Variants in ENOPH1 observed in about 807,000 individuals in gnomAD.
The protein encoded by ENOPH1 is enolase-phosphatase E1.
ENOPH1 carries 14 observed loss-of-function variants against 31.1 expected under a neutral mutation model. The observed-to-expected ratio is 0.45, with a 90% confidence interval of 0.30 to 0.70. The LOEUF is 0.70. Ranked by LOEUF, ENOPH1 falls within the 30% of genes least tolerant of loss-of-function variation. The pLI, the probability that ENOPH1 is intolerant of heterozygous loss-of-function variation, is 0.09. For missense variants in ENOPH1, 243 were observed against 321.5 expected (o/e 0.76, Z 1.87); for synonymous variants, 127 against 123.2 (o/e 1.03, Z -0.21).
chr4:82,447,110 C>A (rs980169825), intron 1 of ENOPH1, among the ~76,000 whole-genome samples: 1 of 152,122 alleles, frequency 6.6e-6, no homozygotes, highest in East Asian at 1.9e-4. Context: ...CTCAGCCTCC[C>A]GAGTACCTGA....
chr4:82,457,223 C>T (rs928977093), intron 5 of ENOPH1, among the ~76,000 whole-genome samples, 185 bp downstream of exon 5: 3 of 151,758 alleles, frequency 2.0e-5, no homozygotes, highest in African/African-American at 7.3e-5. Flanking sequence ...AAAAACACAG[C>T]AGTGAAGGCA....
intron 1 of ENOPH1, among the ~76,000 whole-genome samples, chr4:82,445,543 C>T (rs1722154589): frequency 6.6e-6 from 1 of 152,168 alleles, no homozygotes; most frequent in African/African-American, 2.4e-5. Context: ...GCAGCCTCAG[C>T]CTCCTGGGGT....
chr4:82,436,686 C>CAAA lies in ENOPH1; in HGVS notation c.84+5789_84+5791dup, dbSNP rs35557585. On this transcript the variant is annotated intron_variant, in intron 1 of 5. Coordinates refer to ENST00000273920, the MANE Select transcript of ENOPH1 (RefSeq NM_021204.5). ...TGGATGACAAAGCAAGACCCTGTCT[C>CAAA]AAAAAAAAAAAAAAAAAATGGTGGA... 9.2e-3 allele frequency among the ~76,000 whole-genome samples: 1,017 copies of CAAA among 110,808 alleles called. 12 individuals are homozygous for CAAA. The highest frequency in any genetic ancestry group is 0.031 in the African/African-American group (965 of 31,092). 72.7% of individuals were successfully genotyped at this position (110,808 alleles called of 152,430 possible).
In ENOPH1 at chr4:82,448,033, T is replaced by A. The variant is rs940097909; in HGVS notation, c.186+12T>A. On this transcript the variant is annotated intron_variant, in intron 2 of 5. Transcript: ENST00000273920. ...TTTTGAGGAAACAGGTTGGGACATT[T>A]CTGTCTTAAATTCCCAAGTGTCTTA... 2 of 1,576,418 alleles carry A rather than the reference T, an allele frequency of 1.3e-6. No individual in the cohort carries two copies. The highest frequency in any genetic ancestry group is 1.7e-6 in the Non-Finnish European group (2 of 1,148,200).
In ENOPH1 at chr4:82,454,822, T is replaced by C. The variant is rs1203685877; in HGVS notation, c.490T>C (p.Phe164Leu). 1 of 1,613,726 alleles carries C rather than the reference T, an allele frequency of 6.2e-7. No individual in the cohort carries two copies. Among genetic ancestry groups the C allele is most frequent in the Non-Finnish European group, 8.5e-7 (1 of 1,179,954 alleles). ...GAGTGTGGAGGCACAGAAACTGTTA[T>C]TCGGGCATTCTACGGAGGGAGATAT... ...SGSVEAQKLL[F>L]GHSTEGDILE... is the part of the protein sequence containing the mutation. Residue 164 changes from phenylalanine (F) to leucine (L), a missense_variant, in exon 4 of 6, where the codon TTC becomes CTC. Coordinates refer to ENST00000273920, the MANE Select transcript of ENOPH1 (RefSeq NM_021204.5).
intron 1 of ENOPH1, among the ~76,000 whole-genome samples, chr4:82,434,346 C>T (rs1012137705): frequency 5.3e-5 from 8 of 151,916 alleles, no homozygotes; most frequent in South Asian, 2.1e-4. Context: ...CACTTTGGGA[C>T]GCCGAAGCAG....
chr4:82,457,011 A>G lies in ENOPH1; in HGVS notation c.619A>G (p.Ile207Val). Residue 207 changes from isoleucine to valine, a missense_variant, in exon 5 of 6, where the codon ATT (isoleucine) becomes GTT (valine). By Grantham distance (29) the Ile-to-Val change is conservative. Coordinates refer to ENST00000273920, the MANE Select transcript of ENOPH1 (RefSeq NM_021204.5). ...CAGCATTGGGTGCTCAACCAACAAC[A>G]TTTTGTTTCTGACAGATGTTACTCG... ...ADSIGCSTNN[I>V]LFLTDVTREA... 6.2e-7 allele frequency: 1 copy of G among 1,614,002 alleles called. No individual in the cohort carries two copies. Among genetic ancestry groups the G allele is most frequent in the South Asian group, 1.1e-5 (1 of 91,046 alleles).
intron 3 of ENOPH1, among the ~76,000 whole-genome samples, chr4:82,452,098 A>T (rs1192219646): frequency 4.0e-5 from 6 of 149,400 alleles, no homozygotes; most frequent in African/African-American, 1.5e-4. Flanking sequence ...TTTTTTTTAG[A>T]GCTGGGGTCT....
chr4:82,457,585 C>T (rs1194571209), intron 5 of ENOPH1, among the ~76,000 whole-genome samples: 1 of 152,168 alleles, frequency 6.6e-6, no homozygotes, highest in Non-Finnish European at 1.5e-5. Flanking sequence ...TCTCGTTTAA[C>T]TCCTTGTCCG....
At chr4:82,450,645 G>T (rs1722324715) in intron 2 of ENOPH1, among the ~76,000 whole-genome samples, 1 of 152,214 alleles carries the variant, frequency 6.6e-6, no homozygotes, top group Middle Eastern at 3.4e-3. Flanking sequence ...CTGAATTCCA[G>T]GCATAAACTA....
At chr4:82,433,832 T>G (rs1721836851) in intron 1 of ENOPH1, among the ~76,000 whole-genome samples, 1 of 152,230 alleles carries the variant, frequency 6.6e-6, no homozygotes, top group Non-Finnish European at 1.5e-5. Flanking sequence ...TGACTAATCT[T>G]TTAAACACCT....
intron 2 of ENOPH1, among the ~76,000 whole-genome samples, chr4:82,449,044 C>T (rs1425767790): frequency 5.1e-4 from 60 of 116,694 alleles, no homozygotes; most frequent in African/African-American, 2.0e-3. Flanking sequence ...GGCGACAGAG[C>T]GAGACTCCGT....
chr4:82,444,225 C>G (rs1196636629), intron 1 of ENOPH1, among the ~76,000 whole-genome samples: 1 of 143,584 alleles, frequency 7.0e-6, no homozygotes, highest in Non-Finnish European at 1.5e-5. Flanking sequence ...CAGCACTATT[C>G]TTTTTTTTTT....
chr4:82,446,482 A>G (rs1366368927), intron 1 of ENOPH1, among the ~76,000 whole-genome samples: 1 of 152,076 alleles, frequency 6.6e-6, no homozygotes, highest in Non-Finnish European at 1.5e-5. Flanking sequence ...AGACAGTGCA[A>G]TCCTCCGATG....
chr4:82,457,332 A>G (rs1722516321), intron 5 of ENOPH1, among the ~76,000 whole-genome samples: 1 of 152,108 alleles, frequency 6.6e-6, no homozygotes, highest in Non-Finnish European at 1.5e-5. Context: ...GCAACAATGT[A>G]AGACCTCTGT....
intron 1 of ENOPH1, among the ~76,000 whole-genome samples, chr4:82,441,045 A>G (rs1314383366): frequency 6.6e-6 from 1 of 152,194 alleles, no homozygotes; most frequent in Non-Finnish European, 1.5e-5. Flanking sequence ...TTCTAATACC[A>G]CAACTGCTGA....
At chr4:82,450,938 G>A (rs1278645777) in intron 2 of ENOPH1, 105 bp from the exon 3 acceptor site, 5 of 825,830 alleles carry the variant, frequency 6.1e-6, no homozygotes, top group Admixed American at 2.2e-5. Context: ...GCCATACTAG[G>A]GCTAATGATG....
chr4:82,445,616 C>G (rs905012134), intron 1 of ENOPH1, among the ~76,000 whole-genome samples: 2 of 152,128 alleles, frequency 1.3e-5, no homozygotes, highest in Non-Finnish European at 2.9e-5. Flanking sequence ...ATCACCATGC[C>G]CAGCTAGCTT....
At chr4:82,435,897 C>A (rs1721893031) in intron 1 of ENOPH1, among the ~76,000 whole-genome samples, 1 of 152,088 alleles carries the variant, frequency 6.6e-6, no homozygotes, top group Non-Finnish European at 1.5e-5. Context: ...CTAGGATATG[C>A]TTTGTTTATA....
Sources: gnomAD v4.1 joint callset for allele counts (sites outside exome capture counted in the v4.1 genomes callset) on GRCh38, gnomAD v4.1.1 for gene constraint, MANE v1.5 for transcripts, NCBI Gene and HGNC (gene_info 2026-07-23, HGNC 2026-07-21) for gene names.